The following KRIT1 variants were observed in gnomAD, a reference collection of about 807,000 sequenced individuals.
The protein encoded by KRIT1 is KRIT1 ankyrin repeat containing.
In KRIT1, 45 loss-of-function variants were observed where a neutral mutation model predicts 95.8. That is an observed-to-expected ratio of 0.47 (90% confidence interval 0.37 to 0.60). The LOEUF is 0.60. Among genes scored for constraint, KRIT1 ranks in the 20% least tolerant of loss-of-function variants. KRIT1 has a pLI of 0.00. For synonymous variants in KRIT1, 282 were observed against 278.8 expected (o/e 1.01, Z -0.11); for missense variants, 788 against 877.5 (o/e 0.90, Z 1.29).
At chr7:92,214,021 T>C (rs768143383) in intron 15 of KRIT1, 42 bp from the exon 16 acceptor site, 2 of 1,163,414 alleles carry the variant, frequency 1.7e-6, no homozygotes, top group Non-Finnish European at 2.6e-6. Context: ...AAATCATCTT[T>C]AGTAGCTAAA....
At chr7:92,200,840 C>T (rs1484193775) in intron 18 of KRIT1, 36 bp from the exon 19 acceptor site, 1 of 1,411,274 alleles carries the variant, frequency 7.1e-7, no homozygotes, top group Non-Finnish European at 1.0e-6. Context: ...AAATATAAAA[C>T]ATGTAAGAAT....
At chr7:92,208,848 G>GC (rs1465562457) in intron 17 of KRIT1, among the ~76,000 whole-genome samples, 1 of 151,052 alleles carries the variant, frequency 6.6e-6, no homozygotes, top group Admixed American at 6.6e-5. Flanking sequence ...ATTCAACGAG[G>GC]CCAGCATCAT....
rs34358665 is a variant in KRIT1 at position 92,242,059 on chromosome 7, C to T, written c.77G>A (p.Arg26Gln). The T allele has an allele frequency of 1.3e-3, 2,093 of 1,576,640 alleles. 4 individuals carry two copies. Among genetic ancestry groups the T allele is most frequent in the Non-Finnish European group, 1.6e-3 (1,834 of 1,146,674 alleles). Residue 26 changes from arginine (R) to glutamine (Q), a missense_variant, in exon 4 of 19, where the codon CGG becomes CAG. Coordinates refer to ENST00000394505, the MANE Select transcript of KRIT1 (RefSeq NM_194454.3). ...TTCATATGACTTAGCTCTGTATTCC[C>T]GAGAATTGAGACTGGCAGTATTCTT... Reference protein sequence around the residue: ...RPKNTASLNSREYRAKSYEIL... With the variant: ...RPKNTASLNSQEYRAKSYEIL...
chr7:92,221,835 T>C lies in KRIT1; in HGVS notation c.1563+67A>G. 5.8e-6 allele frequency: 8 copies of C among 1,376,442 alleles called. No homozygotes were observed. The South Asian group carries it at 8.3e-5, about 14-fold the overall frequency. 85.3% of individuals were successfully genotyped at this position (1,376,442 alleles called of 1,614,324 possible). A position where few individuals can be genotyped will look rare whatever the true frequency, so the allele number is the denominator to read the frequency against. On this transcript the variant is annotated intron_variant, in intron 14 of 18. Transcript: ENST00000394505. ...ATGTAAGCACAATTTCTGCCTCTAG[T>C]GCTTACAATAGAAACTCAACAGATT...
chr7:92,231,862 A>C (rs1262182637), intron 10 of KRIT1, among the ~76,000 whole-genome samples: 1 of 152,228 alleles, frequency 6.6e-6, no homozygotes, highest in Non-Finnish European at 1.5e-5. Context: ...AAAATTTGCA[A>C]ATGAAAATAT....
rs1795381621 is a variant in KRIT1, at chr7:92,222,742, A to G, written c.1411+80T>C. On this transcript the variant is annotated intron_variant, in intron 13 of 18. Coordinates refer to ENST00000394505, the MANE Select transcript of KRIT1 (RefSeq NM_194454.3). ...TTTCAAAATTTAAGAGTCAAGAATA[A>G]AAAGAAGTTGTATTTTCTACCAACC... 7.9e-5 allele frequency: 66 copies of G among 837,102 alleles called. 2 individuals are homozygous for G. The South Asian group carries it at 9.4e-4, about 12-fold the overall frequency. The allele number at this position is 837,102 out of a possible 1,614,324, so 51.9% of individuals were successfully genotyped here.
intron 14 of KRIT1, among the ~76,000 whole-genome samples, chr7:92,217,468 A>AT (rs1794224052): frequency 6.6e-6 from 1 of 151,920 alleles, no homozygotes. Context: ...CCTCCAATCT[A>AT]TTTTTTCCCT....
intron 5 of KRIT1, among the ~76,000 whole-genome samples, chr7:92,239,356 T>C (rs1222264404): frequency 6.6e-6 from 1 of 152,248 alleles, no homozygotes; most frequent in Non-Finnish European, 1.5e-5. Flanking sequence ...TTTTTAGGTC[T>C]ATAATGATTT....
intron 12 of KRIT1, among the ~76,000 whole-genome samples, chr7:92,224,530 T>C (rs1331949128): frequency 1.3e-5 from 2 of 152,172 alleles, no homozygotes; most frequent in African/African-American, 4.8e-5. Flanking sequence ...TTAGGCATAA[T>C]TGAGTTTCTT....
downstream of KRIT1, chr7:92,199,302 A>C (rs1460440906): frequency 7.2e-5 from 11 of 152,228 alleles, no homozygotes; most frequent in African/African-American, 2.4e-4. Context: ...AATTTTAATA[A>C]GGCCTACATA....
In KRIT1 at chr7:92,230,019, G is replaced by C. The variant is rs12113704; in HGVS notation, c.990-3337C>G. 2.6e-3 allele frequency among the ~76,000 whole-genome samples: 398 copies of C among 152,262 alleles called. 1 individual carries two copies. The highest frequency in any genetic ancestry group is 9.0e-3 in the African/African-American group (372 of 41,548). On this transcript the variant is annotated intron_variant, in intron 10 of 18. Coordinates refer to ENST00000394505, the MANE Select transcript of KRIT1 (RefSeq NM_194454.3). The stretch of plus-strand genomic sequence containing the variant: ...AATTTAGAGAAATGTGATCACCTTA[G>C]AACACTGAAATACATCTAAAAGGGA...
At chr7:92,235,708 T>C (rs1242065813) in intron 7 of KRIT1, 62 bp from the exon 8 acceptor site, 1 of 1,475,522 alleles carries the variant, frequency 6.8e-7, no homozygotes, top group African/African-American at 1.4e-5. Flanking sequence ...AAAGATAGAT[T>C]ACTATCTAAC....
intron 17 of KRIT1, among the ~76,000 whole-genome samples, chr7:92,203,838 C>A (rs965024610): frequency 1.8e-4 from 27 of 152,178 alleles, no homozygotes; most frequent in Non-Finnish European, 3.4e-4. Flanking sequence ...TGGTGGGGGG[C>A]ATTTCTCCTT....
At chr7:92,224,823 G>C (rs1795885137) in intron 12 of KRIT1, among the ~76,000 whole-genome samples, 2 of 152,188 alleles carry the variant, frequency 1.3e-5, no homozygotes, top group South Asian at 4.1e-4. Flanking sequence ...TGTTGCTTAA[G>C]AGACCTAAGT....
At chr7:92,225,987 C>T (rs1455233253) in intron 11 of KRIT1, among the ~76,000 whole-genome samples, 160 bp from the exon 12 acceptor site, 1 of 152,066 alleles carries the variant, frequency 6.6e-6, no homozygotes, top group African/African-American at 2.4e-5. Context: ...TTAGAATAAA[C>T]AAGAGTTGCC....
intron 17 of KRIT1, among the ~76,000 whole-genome samples, chr7:92,201,784 G>A (rs1022545040): frequency 1.3e-5 from 2 of 152,092 alleles, no homozygotes; most frequent in Non-Finnish European, 2.9e-5. Flanking sequence ...AGAACATGCG[G>A]TGTTTGGTTT....
Position 92,241,046 on chromosome 7 carries a change from T to C in KRIT1, c.209A>G (p.Asp70Gly), listed in dbSNP as rs1050501717. Reference protein sequence around the residue: ...GNSEITQGILDYVVETTKPIS... With the variant: ...GNSEITQGILGYVVETTKPIS... Reference sequence around the variant, plus strand: ...TGGTTTGGTGGTTTCTACTACGTAATCCAATATGCCTTGTGTTATTTCACT... The same window carrying C: ...TGGTTTGGTGGTTTCTACTACGTAACCCAATATGCCTTGTGTTATTTCACT... The change falls in exon 5 of 19, where the codon GAT becomes GGT. Residue 70 changes from aspartate to glycine, a missense_variant. Asp to Gly is a moderately conservative substitution (Grantham distance 94). Coordinates refer to ENST00000394505, the MANE Select transcript of KRIT1 (RefSeq NM_194454.3). The C allele has an allele frequency of 2.5e-6, 4 of 1,612,332 alleles. No homozygotes were observed. Among genetic ancestry groups the C allele is most frequent in the Non-Finnish European group, 3.4e-6 (4 of 1,178,472 alleles).
At chr7:92,220,845 C>G (rs1370226163) in intron 14 of KRIT1, among the ~76,000 whole-genome samples, 1 of 151,812 alleles carries the variant, frequency 6.6e-6, no homozygotes, top group Non-Finnish European at 1.5e-5. Flanking sequence ...AGGCGCCCAC[C>G]ACCATGCCTA....
intron 5 of KRIT1, among the ~76,000 whole-genome samples, chr7:92,239,961 G>A (rs1426150018): frequency 3.3e-5 from 5 of 151,706 alleles, no homozygotes; most frequent in African/African-American, 7.3e-5. Context: ...CACCCACCTC[G>A]GCCTCCCAAA....
Sources: gnomAD v4.1 joint callset for allele counts (sites outside exome capture counted in the v4.1 genomes callset) on GRCh38, gnomAD v4.1.1 for gene constraint, MANE v1.5 for transcripts, NCBI Gene and HGNC (gene_info 2026-07-23, HGNC 2026-07-21) for gene names.